Variants in SVIL observed in about 807,000 individuals in gnomAD.
SVIL encodes the protein archvillin.
SVIL carries 101 observed loss-of-function variants against 240.4 expected under a neutral mutation model. The ratio of observed to expected loss-of-function variants is 0.42; its 90% CI spans 0.36 to 0.50. The LOEUF is 0.50. Among genes scored for constraint, SVIL ranks in the 20% least tolerant of loss-of-function variants. The pLI is 0.01. For synonymous variants in SVIL, 999 were observed against 1,100.0 expected (o/e 0.91, Z 1.82); for missense variants, 2,512 against 2,818.7 (o/e 0.89, Z 2.46).
chr10:29,572,859 A>G (rs1358024590), intron 1 of SVIL, among the ~76,000 whole-genome samples: 1 of 152,090 alleles, frequency 6.6e-6, no homozygotes, highest in Non-Finnish European at 1.5e-5. Flanking sequence ...ATAATCCTTT[A>G]TAAAGAATGT....
chr10:29,544,672 C>T (rs1163332160), intron 6 of SVIL, among the ~76,000 whole-genome samples: 1 of 146,906 alleles, frequency 6.8e-6, no homozygotes, highest in African/African-American at 2.5e-5. Context: ...GCAGGAGGAA[C>T]GCTCGAGCCC....
intron 1 of SVIL, among the ~76,000 whole-genome samples, chr10:29,617,340 A>G (rs547286918): frequency 5.9e-5 from 9 of 152,288 alleles, no homozygotes; most frequent in African/African-American, 2.2e-4. Context: ...AAGAGAGGAT[A>G]AAGAAAGAGT....
chr10:29,696,533 A>G (rs1962017160), intron 1 of SVIL, among the ~76,000 whole-genome samples: 1 of 146,278 alleles, frequency 6.8e-6, no homozygotes, highest in Non-Finnish European at 1.5e-5. Flanking sequence ...CCACCATCCC[A>G]TCTAGGAAGT....
intron 1 of SVIL, among the ~76,000 whole-genome samples, chr10:29,598,247 A>T (rs751144130): frequency 5.9e-5 from 9 of 152,172 alleles, no homozygotes; most frequent in Admixed American, 2.0e-4. Flanking sequence ...ATACGTATAG[A>T]GTTTCAGTTT....
At chr10:29,594,437 G>A (rs374221687) in intron 1 of SVIL, among the ~76,000 whole-genome samples, 3 of 152,192 alleles carry the variant, frequency 2.0e-5, no homozygotes, top group African/African-American at 7.2e-5. Context: ...TGATGTGTCA[G>A]TGTAGGCTCA....
chr10:29,724,370 AACACAC>A (rs9299624), intron 1 of SVIL, among the ~76,000 whole-genome samples: 1 of 146,066 alleles, frequency 6.8e-6, no homozygotes, highest in Non-Finnish European at 1.5e-5. Flanking sequence ...GAGGATTTAA[AACACAC>A]ACACACACAC....
In SVIL at chr10:29,533,009, T is replaced by C; in HGVS notation, c.1358A>G (p.Lys453Arg). ...VCFTEALEQSKKTLLALEGDG... is the reference protein window; with the variant it reads ...VCFTEALEQSRKTLLALEGDG... Reference sequence around the variant, plus strand: ...ACCCTCCAAAGCCAGTAGGGTTTTCTTGCTTTGCTCGAGAGCTTCAGTGAA... The same window carrying C: ...ACCCTCCAAAGCCAGTAGGGTTTTCCTGCTTTGCTCGAGAGCTTCAGTGAA... Residue 453 changes from lysine (K) to arginine (R), a missense_variant, in exon 8 of 38, where the codon AAG becomes AGG. Transcript: ENST00000355867. 5 of 1,614,168 alleles carry C rather than the reference T, an allele frequency of 3.1e-6. No homozygotes were observed. Among genetic ancestry groups the C allele is most frequent in the Non-Finnish European group, 4.2e-6 (5 of 1,180,012 alleles).
Position 29,526,993 on chromosome 10 carries a change from G to A in SVIL, c.2310C>T (p.Pro770=). The change falls in exon 13 of 38, where the codon CCC becomes CCT. Residue 770 remains proline (P), a synonymous_variant. Transcript: ENST00000355867. ...GCTGCACAGCGCTCCTAGCTACAGT[G>A]GGGCTAGGAAGTCTCGCCATTACAG... ...THPVMARLPS[P]TVARSAVQPA... is the part of the protein sequence containing the mutation. 2 of 1,611,056 alleles carry A rather than the reference G, an allele frequency of 1.2e-6. No homozygotes were observed. The highest frequency in any genetic ancestry group is 1.7e-6 in the Non-Finnish European group (2 of 1,178,918).
At chr10:29,693,837 C>A (rs771261034) in intron 1 of SVIL, among the ~76,000 whole-genome samples, 2 of 152,166 alleles carry the variant, frequency 1.3e-5, no homozygotes, top group Non-Finnish European at 2.9e-5. Context: ...TTAATCAAAT[C>A]TTCTTTCTTC....
chr10:29,695,471 C>T (rs1219066215), intron 1 of SVIL, among the ~76,000 whole-genome samples: 1 of 152,060 alleles, frequency 6.6e-6, no homozygotes, highest in Non-Finnish European at 1.5e-5. Flanking sequence ...ATAGCCCAGG[C>T]GTGGTGGCTC....
chr10:29,528,015 C>T (rs915984366), intron 12 of SVIL, among the ~76,000 whole-genome samples: 1 of 152,098 alleles, frequency 6.6e-6, no homozygotes, highest in Admixed American at 6.5e-5. Context: ...AGGTGTGAGC[C>T]ACTGCACCCG....
At chr10:29,679,827 T>C (rs1206716606) in intron 2 of SVIL, among the ~76,000 whole-genome samples, 3 of 151,546 alleles carry the variant, frequency 2.0e-5, no homozygotes, top group Non-Finnish European at 2.9e-5. Context: ...AGCTACACCA[T>C]TGCACAGAAT....
intron 11 of SVIL, 119 bp downstream of exon 11, chr10:29,530,488 G>A: frequency 9.1e-7 from 1 of 1,102,306 alleles, no homozygotes; most frequent in Non-Finnish European, 1.3e-6. Flanking sequence ...GTCTCACTGT[G>A]TTGCCCAGGC....
rs200058288 is a variant in SVIL at position 29,524,646 on chromosome 10, C to T, written c.2412G>A (p.Glu804=). The part of the protein sequence containing the change: ...DQTNEGKELA[E]QGEPDSSTLS... ...GAGTGGAGGAATCAGGTTCTCCTTG[C>T]TCAGCAAGCTCTTTGCCCTCATTTG... The change falls in exon 14 of 38, where the codon GAG becomes GAA. Residue 804 remains glutamate (E), a synonymous_variant. Transcript: ENST00000355867. 1.9e-6 allele frequency: 3 copies of T among 1,614,186 alleles called. No individual in the cohort carries two copies. Among genetic ancestry groups the T allele is most frequent in the East Asian group, 2.2e-5 (1 of 44,876 alleles).
At chr10:29,513,092 C>T (rs1949966434) in intron 16 of SVIL, among the ~76,000 whole-genome samples, 1 of 152,224 alleles carries the variant, frequency 6.6e-6, no homozygotes, top group Admixed American at 6.5e-5. Flanking sequence ...GAGCTGAAAT[C>T]TGACTTGCTA....
At chr10:29,574,455 G>A (rs1165166269) in intron 1 of SVIL, among the ~76,000 whole-genome samples, 2 of 152,152 alleles carry the variant, frequency 1.3e-5, no homozygotes, top group Admixed American at 6.5e-5. Context: ...GGATCTATGA[G>A]TGAACCATTG....
intron 31 of SVIL, 85 bp downstream of exon 31, chr10:29,471,053 G>T: frequency 8.0e-7 from 1 of 1,249,184 alleles, no homozygotes; most frequent in Non-Finnish European, 1.1e-6. Context: ...GATGAAGACA[G>T]ACTCACTTTC....
chr10:29,686,221 T>A (rs996314656), intron 2 of SVIL, among the ~76,000 whole-genome samples: 2 of 152,178 alleles, frequency 1.3e-5, no homozygotes, highest in Non-Finnish European at 2.9e-5. Flanking sequence ...TCCTGTAACC[T>A]CTATCTTGGA....
rs1943770765 is a variant in SVIL at position 29,458,181 on chromosome 10, T to C, written c.*66A>G. 6.8e-7 allele frequency: 1 copy of C among 1,469,246 alleles called. No individual in the cohort carries two copies. Among genetic ancestry groups the C allele is most frequent in the Non-Finnish European group, 9.3e-7 (1 of 1,072,034 alleles). 91.0% of individuals were successfully genotyped at this position (1,469,246 alleles called of 1,614,324 possible). On this transcript the variant is annotated 3_prime_UTR_variant, in exon 38 of 38. Coordinates refer to ENST00000355867, the MANE Select transcript of SVIL (RefSeq NM_021738.3). ...TGAAAAACACCAGTCCAAAAATATA[T>C]ATCCATTTCCCTGGTGCAGTGGTGT...
Sources: gnomAD v4.1 joint callset for allele counts (sites outside exome capture counted in the v4.1 genomes callset) on GRCh38, gnomAD v4.1.1 for gene constraint, MANE v1.5 for transcripts, NCBI Gene and HGNC (gene_info 2026-07-23, HGNC 2026-07-21) for gene names.